CAPN11: variants seen among roughly 807,000 people sequenced by gnomAD.
CAPN11 encodes calpain-11.
A neutral mutation model predicts 105.3 loss-of-function variants in CAPN11; 108 were observed. The observed-to-expected ratio is 1.03, with a 90% CI of 0.88 to 1.20. CAPN11 has a LOEUF of 1.20. CAPN11 is among the 50% of genes most tolerant of loss of function. The probability of loss-of-function intolerance (pLI) is 0.00; values close to 1 mark genes in which losing one functional copy is unlikely to be tolerated. For missense variants in CAPN11, 883 were observed against 924.8 expected (o/e 0.95, Z 0.59); for synonymous variants, 329 against 344.5 (o/e 0.96, Z 0.50).
rs372783271 is a variant in CAPN11 at position 44,172,967 on chromosome 6, G to A, written c.556G>A (p.Val186Met). The stretch of plus-strand genomic sequence containing the variant: ...TTGGCAGTTTGGACAGTGGGTGAAC[G>A]TGGTGGTAGATGACCGGCTGCCCAC... ...QIWQFGQWVN[V>M]VVDDRLPTKN... Residue 186 changes from valine to methionine, a missense_variant, in exon 6 of 23, where the codon GTG becomes ATG. Coordinates refer to ENST00000398776, the MANE Select transcript of CAPN11 (RefSeq NM_007058.4). 56 of 1,613,238 alleles carry A rather than the reference G, an allele frequency of 3.5e-5. No individual in the cohort carries two copies. The East Asian group carries it at 1.2e-3, about 35-fold the overall frequency.
chr6:44,180,351 G>A (rs1561852383), intron 14 of CAPN11, 109 bp from the exon 15 acceptor site: 2 of 1,082,618 alleles, frequency 1.8e-6, no homozygotes, highest in Non-Finnish European at 2.8e-6. Flanking sequence ...ATATTCCATG[G>A]AGCTGCCCTA....
At chr6:44,179,504 C>T in intron 12 of CAPN11, 115 bp from the exon 13 acceptor site, 1 of 927,446 alleles carries the variant, frequency 1.1e-6, no homozygotes, top group Non-Finnish European at 1.8e-6. Flanking sequence ...CCCTTAATAC[C>T]CCTCCAACAA....
chr6:44,173,808 T>C (rs1472964961), intron 7 of CAPN11, among the ~76,000 whole-genome samples: 1 of 152,092 alleles, frequency 6.6e-6, no homozygotes, highest in Non-Finnish European at 1.5e-5. Context: ...GGTCTCGAAC[T>C]CCTGACCTCA....
intron 7 of CAPN11, among the ~76,000 whole-genome samples, chr6:44,174,369 T>C (rs936511279): frequency 2.0e-5 from 3 of 151,914 alleles, no homozygotes; most frequent in African/African-American, 7.3e-5. Context: ...CTCAGGGGAA[T>C]TATGCTGAAT....
chr6:44,170,466 G>A (rs1262866100), intron 4 of CAPN11, among the ~76,000 whole-genome samples: 3 of 152,190 alleles, frequency 2.0e-5, no homozygotes, highest in African/African-American at 7.2e-5. Flanking sequence ...CTGGCTGTTG[G>A]CAGGAGGCCC....
At position 44,177,386 on chromosome 6, in the gene CAPN11, C is replaced by T. The variant is rs758237016; in HGVS notation, c.1382C>T (p.Ala461Val). The change falls in exon 12 of 23, where the codon GCC becomes GTC. Residue 461 changes from alanine (A) to valine (V), a missense_variant. Transcript: ENST00000398776. ...TGGCGGCATGCACGGCAGCAGGGAG[C>T]CCAGCTGCAGACCATTGGCTTTGTC... is the stretch of plus-strand genomic sequence containing the variant. The part of the protein sequence containing the change: ...KNWRHARQQG[A>V]QLQTIGFVLY... 3 of 1,613,684 alleles carry T rather than the reference C, an allele frequency of 1.9e-6. No homozygotes were observed. Among genetic ancestry groups the T allele is most frequent in the Non-Finnish European group, 2.5e-6 (3 of 1,179,812 alleles).
At chr6:44,161,649 T>A (rs1768831917) in intron 1 of CAPN11, 2 of 386,686 alleles carry the variant, frequency 5.2e-6, no homozygotes, top group Non-Finnish European at 1.0e-5. Flanking sequence ...AAATGACTTG[T>A]TGGGCTGGAT....
rs144887480 is a variant in CAPN11 at position 44,167,297 on chromosome 6, G to A, written c.88+468G>A. Among the ~76,000 whole-genome samples, 707 of 151,324 alleles carry A rather than the reference G, an allele frequency of 4.7e-3. 7 individuals carry two copies. Among genetic ancestry groups the A allele is most frequent in the African/African-American group, 0.016 (666 of 41,154 alleles). On this transcript the variant is annotated intron_variant, in intron 2 of 22. Transcript: ENST00000398776. ...GTGGATCACCTGAGTTCGGGAGTTC[G>A]AGACCAGCCTGGCTAGCATGGTGAA...
At chr6:44,165,354 T>C (rs1337487599) in intron 1 of CAPN11, among the ~76,000 whole-genome samples, 3 of 152,164 alleles carry the variant, frequency 2.0e-5, no homozygotes, top group Non-Finnish European at 2.9e-5. Context: ...GCAAACACTT[T>C]AGAATATCAC....
intron 7 of CAPN11, among the ~76,000 whole-genome samples, chr6:44,174,887 TG>T (rs1442880745): frequency 6.6e-6 from 1 of 152,164 alleles, no homozygotes; most frequent in Admixed American, 6.5e-5. Context: ...CCCAAAGTGC[TG>T]GGATTGCGGG....
intron 1 of CAPN11, among the ~76,000 whole-genome samples, chr6:44,159,112 G>A (rs1001404868): frequency 1.4e-5 from 2 of 148,116 alleles, no homozygotes; most frequent in Admixed American, 1.4e-4. Flanking sequence ...CTGGTGGTCA[G>A]ACTGGGTGGT....
At position 44,183,961 on chromosome 6, in the gene CAPN11, C is replaced by T. The variant is rs547271694; in HGVS notation, c.*29C>T. The T allele has an allele frequency of 1.3e-6, 2 of 1,551,908 alleles. No homozygotes were observed. The highest frequency in any genetic ancestry group is 2.7e-5 in the African/African-American group (2 of 73,140). ...CGCTGTAGGAGCCTGGTCATCTCTA[C>T]CAGCAGCAGCAGCAGCGAGGTTCTA... On this transcript the variant is annotated 3_prime_UTR_variant, in exon 23 of 23. Transcript: ENST00000398776.
At chr6:44,174,851 C>T (rs1051907119) in intron 7 of CAPN11, among the ~76,000 whole-genome samples, 1 of 152,144 alleles carries the variant, frequency 6.6e-6, no homozygotes, top group Admixed American at 6.5e-5. Flanking sequence ...AACTCCTGAC[C>T]TCAGGTGATC....
chr6:44,168,069 C>T (rs956661959), intron 2 of CAPN11, among the ~76,000 whole-genome samples: 2 of 151,984 alleles, frequency 1.3e-5, no homozygotes, highest in African/African-American at 4.8e-5. Flanking sequence ...AATTCAGTGG[C>T]TTTTAGTATA....
At chr6:44,161,651 G>A in intron 1 of CAPN11, 1 of 389,064 alleles carries the variant, frequency 2.6e-6, no homozygotes, top group South Asian at 1.8e-5. Flanking sequence ...ATGACTTGTT[G>A]GGCTGGATGG....
intron 7 of CAPN11, among the ~76,000 whole-genome samples, chr6:44,175,638 G>A (rs2894546): frequency 0.61 from 91,920 of 151,246 alleles, 28,200 homozygotes; most frequent in Non-Finnish European, 0.66. Context: ...TTAGCCAGGC[G>A]TGGTGGCGGG....
At chr6:44,180,842 C>T in intron 17 of CAPN11, 37 bp downstream of exon 17, 1 of 1,610,890 alleles carries the variant, frequency 6.2e-7, no homozygotes, top group Non-Finnish European at 8.5e-7. Context: ...GACCCCTCCC[C>T]CATATTTTGT....
intron 2 of CAPN11, among the ~76,000 whole-genome samples, chr6:44,168,261 G>T (rs890826866): frequency 1.3e-5 from 2 of 151,994 alleles, no homozygotes; most frequent in African/African-American, 4.8e-5. Flanking sequence ...CGCGCAATAT[G>T]GGGTTCTTTC....
At position 44,181,122 on chromosome 6, in the gene CAPN11, T is replaced by G. The variant is rs556229063; in HGVS notation, c.1869+125T>G. On this transcript the variant is annotated intron_variant, in intron 18 of 22. Coordinates refer to ENST00000398776, the MANE Select transcript of CAPN11 (RefSeq NM_007058.4). ...GATTAGGCTCTGGGGTAGCAGAAGATGCCAGTTCTTCTGGCTGCTACAGTA... is the reference window on the plus strand; with the variant it reads ...GATTAGGCTCTGGGGTAGCAGAAGAGGCCAGTTCTTCTGGCTGCTACAGTA... 3.8e-5 allele frequency: 46 copies of G among 1,198,114 alleles called. No individual in the cohort carries two copies. The East Asian group carries it at 1.0e-3, about 27-fold the overall frequency. 74.2% of individuals were successfully genotyped at this position (1,198,114 alleles called of 1,614,324 possible).
Sources: gnomAD v4.1 joint callset for allele counts (sites outside exome capture counted in the v4.1 genomes callset) on GRCh38, gnomAD v4.1.1 for gene constraint, MANE v1.5 for transcripts, NCBI Gene and HGNC (gene_info 2026-07-23, HGNC 2026-07-21) for gene names.